Variants in PCDHGB2 observed in about 807,000 individuals in gnomAD.
The protein encoded by PCDHGB2 is protocadherin gamma subfamily B, 2, also known as protocadherin gamma-B2.
In PCDHGB2, 55 loss-of-function variants were observed where a neutral mutation model predicts 59.3. The observed-to-expected ratio is 0.93, with a 90% CI of 0.75 to 1.16. The LOEUF (loss-of-function observed/expected upper bound fraction) is 1.16. Ranked by LOEUF, PCDHGB2 falls within the 50% of genes most tolerant of loss-of-function variation. The pLI, the probability that PCDHGB2 is intolerant of heterozygous loss-of-function variation, is 0.00. For missense variants in PCDHGB2, 1,228 were observed against 1,198.5 expected (o/e 1.02, Z -0.36); for synonymous variants, 516 against 512.0 (o/e 1.01, Z -0.11).
chr5:141,399,872 A>G (rs759178048), intron 1 of PCDHGB2: 2 of 1,612,652 alleles, frequency 1.2e-6, no homozygotes, highest in Non-Finnish European at 1.7e-6. Flanking sequence ...GAGCCCGGCT[A>G]CCTGGTGACC....
At chr5:141,415,344 G>A in intron 1 of PCDHGB2, 15 of 1,614,238 alleles carry the variant, frequency 9.3e-6, no homozygotes, top group Non-Finnish European at 1.3e-5. Flanking sequence ...TGCGGCGCTG[G>A]CACAAGTCAC....
At chr5:141,404,620 T>C in intron 1 of PCDHGB2, 2 of 1,614,162 alleles carry the variant, frequency 1.2e-6, no homozygotes, top group Non-Finnish European at 1.7e-6. Context: ...TGGACCAGAA[T>C]GACAATGCCC....
At chr5:141,454,471 A>C (rs774315258) in intron 1 of PCDHGB2, among the ~76,000 whole-genome samples, 7 of 152,198 alleles carry the variant, frequency 4.6e-5, no homozygotes, top group Non-Finnish European at 7.3e-5. Context: ...CAATGGCATG[A>C]TCTCAGCTCA....
chr5:141,384,674 T>C (rs748841666), intron 1 of PCDHGB2: 9 of 1,614,038 alleles, frequency 5.6e-6, no homozygotes, highest in Non-Finnish European at 8.5e-7. Context: ...ACCAAGGTGG[T>C]GGCGGTGGAC....
rs182936964 is a variant in PCDHGB2, at chr5:141,502,069, T to C, written c.2481-3324T>C. 1.1e-3 allele frequency among the ~76,000 whole-genome samples: 175 copies of C among 152,186 alleles called. 1 individual carries two copies. Among genetic ancestry groups the C allele is most frequent in the African/African-American group, 3.9e-3 (162 of 41,524 alleles). ...CCCTACTTTATTCCCATTAGCCCCC[T>C]TCACCTGGGGCTGAGAACACCTGGC... On this transcript the variant is annotated intron_variant, in intron 2 of 3. Coordinates refer to ENST00000522605, the MANE Select transcript of PCDHGB2 (RefSeq NM_018923.3).
Position 141,489,802 on chromosome 5 carries a change from G to A in PCDHGB2, c.2422-5005G>A, listed in dbSNP as rs2099692541. On this transcript the variant is annotated intron_variant, in intron 1 of 3. Transcript: ENST00000522605. The surrounding 1 kb of genome is among the most constrained non-coding windows in gnomAD (Gnocchi z 4.5). ...TCTGAATGTGAAGACCCTAAAAGAT[G>A]GGAAGCCATTCCCAGAGCTGGTGCT... is the stretch of plus-strand genomic sequence containing the variant. 6.2e-7 allele frequency: 1 copy of A among 1,614,042 alleles called. No homozygotes were observed. The highest frequency in any genetic ancestry group is 1.1e-5 in the South Asian group (1 of 91,088).
chr5:141,393,522 G>C, intron 1 of PCDHGB2: 2 of 1,614,030 alleles, frequency 1.2e-6, no homozygotes, highest in South Asian at 2.2e-5. Flanking sequence ...GGATACAAAT[G>C]ACAATGCCCC....
At chr5:141,492,008 G>A (rs1201433644) in intron 1 of PCDHGB2, 21 of 616,588 alleles carry the variant, frequency 3.4e-5, no homozygotes, top group Admixed American at 2.9e-4. Flanking sequence ...CGATTTCCGC[G>A]GGTGTCGGGG....
rs754652710 is a variant in PCDHGB2 at position 141,476,367 on chromosome 5, G to A, written c.2422-18440G>A. Reference sequence around the variant, plus strand: ...TTCTTTGAGGTGAACCGGGAGACCGGAGAGATGTTTGTGAACGACCGTCTG... The same window carrying A: ...TTCTTTGAGGTGAACCGGGAGACCGAAGAGATGTTTGTGAACGACCGTCTG... On this transcript the variant is annotated intron_variant, in intron 1 of 3. Coordinates refer to ENST00000522605, the MANE Select transcript of PCDHGB2 (RefSeq NM_018923.3). The surrounding 1 kb of genome is among the most constrained non-coding windows in gnomAD (Gnocchi z 7.6). The A allele has an allele frequency of 2.5e-6, 4 of 1,614,172 alleles. No homozygotes were observed. In the South Asian group the frequency reaches 3.3e-5, roughly 13 times the overall value.
intron 1 of PCDHGB2, 137 bp from the exon 2 acceptor site, chr5:141,494,670 C>T: frequency 6.5e-7 from 1 of 1,529,402 alleles, no homozygotes; most frequent in Non-Finnish European, 8.8e-7. Flanking sequence ...GGAGATGAGT[C>T]CACCCCTGCC....
At chr5:141,480,781 G>A (rs2099525581) in intron 1 of PCDHGB2, among the ~76,000 whole-genome samples, 1 of 152,174 alleles carries the variant, frequency 6.6e-6, no homozygotes, top group Admixed American at 6.5e-5. Flanking sequence ...CTAATGTGCA[G>A]ACAAATTTGA....
At position 141,413,154 on chromosome 5, in the gene PCDHGB2, A is replaced by C. The variant is rs1308503780; in HGVS notation, c.2421+50598A>C. 10 of 1,576,026 alleles carry C rather than the reference A, an allele frequency of 6.3e-6. No homozygotes were observed. In the South Asian group the frequency reaches 1.2e-4, roughly 18 times the overall value. ...ACAACGTGTCCAGTGAGGACTTTGC[A>C]GAATTCTGTAACCAGACTACAATGG... On this transcript the variant is annotated intron_variant, in intron 1 of 3. Coordinates refer to ENST00000522605, the MANE Select transcript of PCDHGB2 (RefSeq NM_018923.3).
In PCDHGB2 at chr5:141,432,115, C is replaced by G. The variant is rs753088299; in HGVS notation, c.2422-62692C>G. On this transcript the variant is annotated intron_variant, in intron 1 of 3. Transcript: ENST00000522605. This position sits in a 1 kb window ranked among gnomAD's most constrained non-coding sequence, Gnocchi z 6.0. ...ACACCAACGACAACCCGCCGGTCTT[C>G]CCTCAGGCCTCCTATTCCGCTTATA... The G allele has an allele frequency of 1.2e-5, 20 of 1,614,178 alleles. No individual in the cohort carries two copies. Among genetic ancestry groups the G allele is most frequent in the Non-Finnish European group, 1.6e-5 (19 of 1,180,050 alleles).
At chr5:141,435,858 A>C (rs138728159) in intron 1 of PCDHGB2, among the ~76,000 whole-genome samples, 1 of 152,304 alleles carries the variant, frequency 6.6e-6, no homozygotes, top group East Asian at 1.9e-4. Context: ...TACAATAGTT[A>C]AAACCCAGAA....
chr5:141,379,137 C>A (rs1322597414), intron 1 of PCDHGB2: 2 of 152,216 alleles, frequency 1.3e-5, no homozygotes, highest in African/African-American at 2.4e-5. Context: ...AAATGAGAAC[C>A]TCCTTTGTAA....
chr5:141,505,326 G>A, intron 2 of PCDHGB2, 67 bp from the exon 3 acceptor site: 2 of 1,607,648 alleles, frequency 1.2e-6, no homozygotes, highest in East Asian at 2.2e-5. Context: ...AGCCCTGGGA[G>A]AGGACAGGAG....
intron 1 of PCDHGB2, chr5:141,400,298 A>G (rs2093998591): frequency 6.2e-7 from 1 of 1,613,974 alleles, no homozygotes; most frequent in Non-Finnish European, 8.5e-7. Context: ...AGCTGCTTCC[A>G]ACCTGGTCTC....
intron 1 of PCDHGB2, chr5:141,375,695 G>A (rs540188136): frequency 3.1e-6 from 5 of 1,614,132 alleles, no homozygotes; most frequent in Middle Eastern, 1.6e-4. Flanking sequence ...CAGCGACAGC[G>A]GGGACCCGCC....
chr5:141,403,006 G>T, intron 1 of PCDHGB2: 3 of 1,614,006 alleles, frequency 1.9e-6, no homozygotes, highest in African/African-American at 1.3e-5. Context: ...TGCTATGCTC[G>T]CTCCTGGGGA....
Sources: gnomAD v4.1 joint callset for allele counts (sites outside exome capture counted in the v4.1 genomes callset) on GRCh38, gnomAD v4.1.1 for gene constraint, Gnocchi (gnomAD v3.1) non-coding constraint, MANE v1.5 for transcripts, NCBI Gene and HGNC (gene_info 2026-07-23, HGNC 2026-07-21) for gene names.